Variants in LAMA2 observed in about 807,000 individuals in gnomAD.
LAMA2 encodes the protein laminin subunit alpha 2.
LAMA2 carries 269 observed loss-of-function variants against 364.8 expected under a neutral mutation model. The ratio of observed to expected loss-of-function variants is 0.74; its 90% CI spans 0.67 to 0.82. The LOEUF is 0.82. LAMA2 is among the 40% of genes least tolerant of loss of function. The pLI is 0.00. For synonymous variants in LAMA2, 1,379 were observed against 1,370.6 expected (o/e 1.01, Z -0.14); for missense variants, 3,807 against 3,873.2 (o/e 0.98, Z 0.45).
chr6:129,172,986 C>G (rs1780308779), intron 9 of LAMA2, among the ~76,000 whole-genome samples: 2 of 152,248 alleles, frequency 1.3e-5, no homozygotes, highest in African/African-American at 2.4e-5. Context: ...AACTCCCTGA[C>G]CCCTTGCGCT....
At chr6:129,298,049 A>G (rs1378154166) in intron 21 of LAMA2, among the ~76,000 whole-genome samples, 184 bp downstream of exon 21, 3 of 35,168 alleles carry the variant, frequency 8.5e-5, no homozygotes, top group Non-Finnish European at 1.5e-4. Context: ...ACACTGCCTT[A>G]ATAACTGTGT....
intron 13 of LAMA2, among the ~76,000 whole-genome samples, chr6:129,251,079 T>TCC (rs1786198036): frequency 3.0e-5 from 1 of 33,580 alleles, no homozygotes; most frequent in Non-Finnish European, 7.6e-5. Context: ...TCTCTCTCTA[T>TCC]ATATATATAT....
intron 31 of LAMA2, among the ~76,000 whole-genome samples, chr6:129,351,991 A>C (rs17799083): frequency 0.15 from 23,177 of 152,218 alleles, 2,245 homozygotes; most frequent in Non-Finnish European, 0.22. Context: ...AGGCAGCTAA[A>C]GATGGTCTAT....
intron 1 of LAMA2, among the ~76,000 whole-genome samples, chr6:128,911,916 C>T (rs1477268150): frequency 6.6e-6 from 1 of 152,066 alleles, no homozygotes; most frequent in African/African-American, 2.4e-5. Context: ...TTTCTGTCTG[C>T]CTTCTTTCAC....
At chr6:129,395,889 G>A (rs190082739) in intron 37 of LAMA2, among the ~76,000 whole-genome samples, 3 of 152,292 alleles carry the variant, frequency 2.0e-5, no homozygotes, top group Non-Finnish European at 2.9e-5. Flanking sequence ...AAAGTTCAGT[G>A]GTTTGATAGG....
At chr6:129,116,370 C>A (rs1403898110) in intron 4 of LAMA2, among the ~76,000 whole-genome samples, 1 of 152,066 alleles carries the variant, frequency 6.6e-6, no homozygotes, top group Non-Finnish European at 1.5e-5. Flanking sequence ...GATGACTTCA[C>A]GTCTTGACTC....
intron 1 of LAMA2, among the ~76,000 whole-genome samples, chr6:129,020,100 A>T (rs1785337328): frequency 1.1e-5 from 1 of 94,448 alleles, no homozygotes; most frequent in Non-Finnish European, 2.4e-5. Flanking sequence ...AAGAAAAAAA[A>T]AGAAAAAAAA....
At chr6:129,005,847 T>A (rs922309092) in intron 1 of LAMA2, among the ~76,000 whole-genome samples, 1 of 151,138 alleles carries the variant, frequency 6.6e-6, no homozygotes, top group Non-Finnish European at 1.5e-5. Context: ...TTATATATAT[T>A]TTTATATATA....
chr6:129,037,762 C>G (rs887151706), intron 1 of LAMA2, among the ~76,000 whole-genome samples: 1 of 151,718 alleles, frequency 6.6e-6, no homozygotes, highest in African/African-American at 2.4e-5. Flanking sequence ...CTCCGCCTCC[C>G]AGGTTCACGC....
chr6:129,073,736 A>C (rs1274481091), intron 3 of LAMA2, among the ~76,000 whole-genome samples: 1 of 152,126 alleles, frequency 6.6e-6, no homozygotes, highest in Non-Finnish European at 1.5e-5. Context: ...ACTTTAAAAA[A>C]ATTAGACTCC....
chr6:129,455,552 G>A (rs1462692637), intron 47 of LAMA2, among the ~76,000 whole-genome samples: 2 of 152,136 alleles, frequency 1.3e-5, no homozygotes, highest in Non-Finnish European at 2.9e-5. Flanking sequence ...AAGTGAGACA[G>A]CAGTCAGGGA....
chr6:129,132,236 G>A (rs1383031197), intron 4 of LAMA2, among the ~76,000 whole-genome samples: 6 of 149,916 alleles, frequency 4.0e-5, no homozygotes, highest in African/African-American at 5.0e-5. Context: ...GCACAATCTC[G>A]GCTCACTGCA....
chr6:129,415,987 C>T (rs1321996861), intron 40 of LAMA2, among the ~76,000 whole-genome samples: 1 of 31,904 alleles, frequency 3.1e-5, no homozygotes, highest in Non-Finnish European at 5.3e-5. Context: ...CTCGCTCTGT[C>T]GCCCAGGCTG....
chr6:129,467,067 G>C (rs967916483), intron 51 of LAMA2, among the ~76,000 whole-genome samples: 2 of 151,874 alleles, frequency 1.3e-5, no homozygotes, highest in East Asian at 3.9e-4. Flanking sequence ...AGAAGGAGAA[G>C]ATGGATATGC....
intron 58 of LAMA2, among the ~76,000 whole-genome samples, chr6:129,499,338 A>G (rs1222045937): frequency 2.6e-5 from 4 of 152,160 alleles, no homozygotes; most frequent in East Asian, 1.9e-4. Context: ...CAGGTAAAGC[A>G]TCACATCCAT....
intron 12 of LAMA2, among the ~76,000 whole-genome samples, chr6:129,194,376 T>G (rs1051808915): frequency 1.3e-5 from 2 of 152,294 alleles, no homozygotes; most frequent in Middle Eastern, 3.4e-3. Context: ...ATGCATTTTT[T>G]TTTCTGTTGG....
chr6:129,120,343 C>T (rs924695341), intron 4 of LAMA2, among the ~76,000 whole-genome samples: 6 of 151,958 alleles, frequency 3.9e-5, no homozygotes, highest in Non-Finnish European at 7.4e-5. Context: ...TTTATCATTA[C>T]GAAAAGGAAA....
At chr6:129,494,600 T>C (rs750031515) in intron 58 of LAMA2, among the ~76,000 whole-genome samples, 5 of 152,228 alleles carry the variant, frequency 3.3e-5, no homozygotes, top group Non-Finnish European at 5.9e-5. Context: ...TATTTACATT[T>C]ATTTATATTG....
At chr6:129,192,922 A>G in intron 12 of LAMA2, 69 bp downstream of exon 12, 1 of 1,440,116 alleles carries the variant, frequency 6.9e-7, no homozygotes, top group Non-Finnish European at 9.6e-7. Flanking sequence ...TTTAGTTGGT[A>G]ATTCTTTTAA....
Sources: allele counts gnomAD v4.1 joint callset (sites outside exome capture counted in the v4.1 genomes callset), GRCh38; gene constraint gnomAD v4.1.1; transcripts MANE v1.5; gene names NCBI Gene and HGNC (gene_info 2026-07-23, HGNC 2026-07-21).